The following VSIG10 variants were observed in gnomAD, a reference collection of about 807,000 sequenced individuals.
VSIG10 encodes the protein V-set and immunoglobulin domain-containing protein 10.
Under a neutral mutation model 58.7 loss-of-function variants are expected in VSIG10, and 48 were observed. The observed-to-expected ratio is 0.82, with a 90% CI of 0.65 to 1.04. The LOEUF is 1.04. Among genes scored for constraint, VSIG10 ranks in the 50% least tolerant of loss-of-function variants. VSIG10 has a pLI of 0.00. For missense variants in VSIG10, 628 were observed against 670.0 expected, an observed-to-expected ratio of 0.94 and a Z score of 0.69; for synonymous variants, 260 against 267.1, an observed-to-expected ratio of 0.97 and a Z score of 0.26.
chr12:118,093,831 C>A (rs1281696929), intron 2 of VSIG10, among the ~76,000 whole-genome samples: 3 of 152,080 alleles, frequency 2.0e-5, no homozygotes, highest in African/African-American at 7.2e-5. Flanking sequence ...ATCACTTGAA[C>A]CCGGGAGGCA....
chr12:118,102,568 G>A (rs1291194531), intron 1 of VSIG10: 1 of 151,716 alleles, frequency 6.6e-6, no homozygotes, highest in African/African-American at 2.4e-5. Flanking sequence ...ATCTAGAGAT[G>A]TTATTGTTTT....
chr12:118,076,368 CT>C (rs57070820), intron 4 of VSIG10, among the ~76,000 whole-genome samples: 2,028 of 139,280 alleles, frequency 0.015, 49 homozygotes, highest in Admixed American at 0.059. Context: ...TGCACGGTCC[CT>C]TTTTTTTTTT....
At chr12:118,070,049 G>A (rs920289727) in intron 7 of VSIG10, among the ~76,000 whole-genome samples, 7 of 152,102 alleles carry the variant, frequency 4.6e-5, no homozygotes, top group African/African-American at 9.7e-5. Context: ...GTTTTGCTAC[G>A]AAAGATGGTC....
At chr12:118,097,332 G>A (rs1180875037) in intron 1 of VSIG10, among the ~76,000 whole-genome samples, 1 of 152,198 alleles carries the variant, frequency 6.6e-6, no homozygotes, top group African/African-American at 2.4e-5. Flanking sequence ...ACTGCAATGA[G>A]GCCGGGAGCC....
At chr12:118,072,676 A>T (rs1460648496) in intron 5 of VSIG10, among the ~76,000 whole-genome samples, 1 of 152,084 alleles carries the variant, frequency 6.6e-6, no homozygotes. Flanking sequence ...TGGTCAACAC[A>T]GTGCGACCTC....
chr12:118,092,526 G>T (rs986772371), intron 2 of VSIG10, among the ~76,000 whole-genome samples: 4 of 152,100 alleles, frequency 2.6e-5, no homozygotes, highest in Non-Finnish European at 4.4e-5. Flanking sequence ...CTCTGCCATA[G>T]TTAGTAACAA....
intron 4 of VSIG10, among the ~76,000 whole-genome samples, chr12:118,078,716 T>C (rs1593507934): frequency 6.6e-6 from 1 of 151,492 alleles, no homozygotes; most frequent in Admixed American, 6.6e-5. Flanking sequence ...CCGAGGCAGG[T>C]AGATCACTTG....
chr12:118,095,974 G>A (rs2137948046), intron 1 of VSIG10, among the ~76,000 whole-genome samples, 160 bp from the exon 2 acceptor site: 1 of 137,192 alleles, frequency 7.3e-6, no homozygotes, highest in East Asian at 2.1e-4. Context: ...CGCCCAGGCT[G>A]GAGTGCAATG....
intron 4 of VSIG10, among the ~76,000 whole-genome samples, chr12:118,075,160 A>G (rs745594443): frequency 3.1e-5 from 2 of 65,392 alleles, no homozygotes; most frequent in African/African-American, 1.6e-4. Flanking sequence ...ATGTATATAT[A>G]TGTATATATA....
At chr12:118,093,852 T>C (rs1042332101) in intron 2 of VSIG10, among the ~76,000 whole-genome samples, 10 of 152,190 alleles carry the variant, frequency 6.6e-5, no homozygotes, top group Middle Eastern at 3.4e-3. Context: ...GAGGTTGTGG[T>C]GAGCCGAGAT....
intron 1 of VSIG10, among the ~76,000 whole-genome samples, 162 bp from the exon 2 acceptor site, chr12:118,095,976 A>T (rs184860509): frequency 2.3e-5 from 3 of 128,942 alleles, no homozygotes; most frequent in African/African-American, 9.0e-5. Flanking sequence ...CCCAGGCTGG[A>T]GTGCAATGGC....
Position 118,076,789 on chromosome 12 carries a change from G to C in VSIG10, c.925+2557C>G, listed in dbSNP as rs530511723. On this transcript the variant is annotated intron_variant, in intron 4 of 8. Transcript: ENST00000359236. ...TCTCACATCAGCCTCCCCAGTAGCT[G>C]GGATTATAGGTGCATACCACCATGC... 1.8e-4 allele frequency among the ~76,000 whole-genome samples: 27 copies of C among 151,674 alleles called. No homozygotes were observed. In the South Asian group the frequency reaches 5.7e-3, roughly 32 times the overall value.
At chr12:118,093,894 G>A (rs569724092) in intron 2 of VSIG10, among the ~76,000 whole-genome samples, 1 of 152,204 alleles carries the variant, frequency 6.6e-6, no homozygotes, top group South Asian at 2.1e-4. Flanking sequence ...GGGCGACTGA[G>A]TGAGACTACG....
chr12:118,074,388 T>C (rs927966943), intron 4 of VSIG10, among the ~76,000 whole-genome samples: 3 of 149,568 alleles, frequency 2.0e-5, no homozygotes, highest in Non-Finnish European at 1.5e-5. Context: ...CCGGCCCCAG[T>C]CCCCTTTATC....
chr12:118,088,815 G>A (rs2137923535), intron 2 of VSIG10, among the ~76,000 whole-genome samples: 1 of 152,228 alleles, frequency 6.6e-6, no homozygotes, highest in East Asian at 1.9e-4. Flanking sequence ...CATCAGTCAA[G>A]GACCCCATGT....
chr12:118,066,615 G>C lies in VSIG10; in HGVS notation c.*24C>G, dbSNP rs377534719. Reference sequence around the variant, plus strand: ...GTAGCTCTCCAAGCTTTCAGAGCAAGACAACCATGGACCATCCTCTTCTTC... The same window carrying C: ...GTAGCTCTCCAAGCTTTCAGAGCAACACAACCATGGACCATCCTCTTCTTC... On this transcript the variant is annotated 3_prime_UTR_variant, in exon 9 of 9. Transcript: ENST00000359236. 2.5e-6 allele frequency: 4 copies of C among 1,613,516 alleles called. No homozygotes were observed. Among genetic ancestry groups the C allele is most frequent in the Admixed American group, 1.7e-5 (1 of 59,974 alleles).
At chr12:118,078,937 T>TA (rs35469920) in intron 4 of VSIG10, among the ~76,000 whole-genome samples, 1,430 of 39,732 alleles carry the variant, frequency 0.036, 35 homozygotes, top group South Asian at 0.048. Flanking sequence ...AGACTCTGCC[T>TA]AAAAAAAAAA....
chr12:118,095,284 G>T (rs368193070), intron 2 of VSIG10, among the ~76,000 whole-genome samples: 1 of 152,052 alleles, frequency 6.6e-6, no homozygotes, highest in Admixed American at 6.6e-5. Flanking sequence ...CAAGTGATCC[G>T]CCCGGCTTGG....
At chr12:118,100,418 A>C (rs896694444) in intron 1 of VSIG10, among the ~76,000 whole-genome samples, 8 of 152,150 alleles carry the variant, frequency 5.3e-5, no homozygotes, top group Non-Finnish European at 8.8e-5. Flanking sequence ...AATCCCTTGT[A>C]CCTGGGAGGC....
Sources: allele counts gnomAD v4.1 joint callset (sites outside exome capture counted in the v4.1 genomes callset), GRCh38; gene constraint gnomAD v4.1.1; transcripts MANE v1.5; gene names NCBI Gene and HGNC (gene_info 2026-07-23, HGNC 2026-07-21).